GARIN1A: variants seen among roughly 807,000 people sequenced by gnomAD.
The protein encoded by GARIN1A is golgi associated RAB2 interactor 1A, also known as Golgi-associated RAB2 interactor protein 1A.
the GARIN1A span, among the ~76,000 whole-genome samples, chr7:128,676,081 G>A: frequency 1.2e-4 from 18 of 150,586 alleles, no homozygotes; most frequent in East Asian, 2.9e-3. Context: ...GTGCAGTGGC[G>A]GGATCTCGGC....
At chr7:128,683,427 C>A in the GARIN1A span, 1 of 266,510 alleles carries the variant, frequency 3.8e-6, no homozygotes, top group South Asian at 1.6e-4. Flanking sequence ...TCTGTGTGTA[C>A]AGAGAACTAC....
the GARIN1A span, among the ~76,000 whole-genome samples, chr7:128,702,675 T>C: frequency 6.6e-6 from 1 of 152,230 alleles, no homozygotes; most frequent in Non-Finnish European, 1.5e-5. Flanking sequence ...GTGATCAATA[T>C]GGTAGATGTT....
the GARIN1A span, chr7:128,672,451 G>A: frequency 1.2e-6 from 2 of 1,608,890 alleles, no homozygotes; most frequent in East Asian, 2.2e-5. Flanking sequence ...GCCCTGGAGT[G>A]GAACTTGGGG....
the GARIN1A span, chr7:128,684,659 C>T: frequency 6.6e-6 from 1 of 150,804 alleles, no homozygotes. Flanking sequence ...GTCTTCATTG[C>T]CCTGTGTTAG....
the GARIN1A span, among the ~76,000 whole-genome samples, chr7:128,692,507 C>T: frequency 6.6e-6 from 1 of 152,098 alleles, no homozygotes; most frequent in Non-Finnish European, 1.5e-5. Flanking sequence ...AGAAACAAAA[C>T]ATTGTTATCC....
the GARIN1A span, among the ~76,000 whole-genome samples, chr7:128,703,528 T>G: frequency 2.3e-4 from 35 of 152,314 alleles, no homozygotes; most frequent in African/African-American, 8.2e-4. Flanking sequence ...CAGTGGCTCA[T>G]GCCTATAATC....
At chr7:128,677,935 T>C in the GARIN1A span, 3 of 857,386 alleles carry the variant, frequency 3.5e-6, no homozygotes, top group Non-Finnish European at 5.2e-6. Flanking sequence ...AAATATCATT[T>C]TGATAATTTC....
the GARIN1A span, among the ~76,000 whole-genome samples, chr7:128,688,555 G>C: frequency 5.3e-5 from 8 of 152,050 alleles, no homozygotes; most frequent in African/African-American, 1.9e-4. Context: ...GCTTTGACTG[G>C]GTTCATTCCC....
chr7:128,675,995 G>T, the GARIN1A span: 2 of 567,458 alleles, frequency 3.5e-6, no homozygotes, highest in Non-Finnish European at 6.1e-6. Context: ...TCATTCATTT[G>T]TTTAGCAACG....
chr7:128,686,897 G>A, the GARIN1A span: 1 of 151,334 alleles, frequency 6.6e-6, no homozygotes, highest in African/African-American at 2.4e-5. Context: ...AAATATATCT[G>A]ACTGAGTTTC....
chr7:128,699,859 A>G, the GARIN1A span, among the ~76,000 whole-genome samples: 2 of 152,284 alleles, frequency 1.3e-5, no homozygotes, highest in South Asian at 4.1e-4. Context: ...CAGTTCTGTC[A>G]ATTTCGCTTT....
chr7:128,708,966 C>T, the GARIN1A span: 2 of 152,096 alleles, frequency 1.3e-5, no homozygotes, highest in Non-Finnish European at 2.9e-5. Flanking sequence ...TGGGTGTGGC[C>T]CTGTGTTTGA....
chr7:128,681,887 C>A, the GARIN1A span, among the ~76,000 whole-genome samples: 5 of 149,470 alleles, frequency 3.3e-5, no homozygotes, highest in African/African-American at 4.9e-5. Flanking sequence ...CTGCACCCCC[C>A]CCCACAACCC....
chr7:128,676,831 C>G, the GARIN1A span, among the ~76,000 whole-genome samples: 1 of 152,082 alleles, frequency 6.6e-6, no homozygotes, highest in Non-Finnish European at 1.5e-5. Context: ...GGGCAAATCA[C>G]TTAGCCTCTC....
the GARIN1A span, chr7:128,686,967 G>A: frequency 6.6e-6 from 1 of 152,058 alleles, no homozygotes; most frequent in Non-Finnish European, 1.5e-5. Flanking sequence ...TCTCTCTCCA[G>A]CCTCTCCACT....
At chr7:128,690,025 G>C in the GARIN1A span, among the ~76,000 whole-genome samples, 13 of 152,238 alleles carry the variant, frequency 8.5e-5, no homozygotes, top group Non-Finnish European at 1.6e-4. Context: ...TGTGCAGAAA[G>C]AAGTAGACAT....
the GARIN1A span, among the ~76,000 whole-genome samples, chr7:128,697,948 A>G: frequency 6.6e-6 from 1 of 152,112 alleles, no homozygotes; most frequent in African/African-American, 2.4e-5. Flanking sequence ...CTATTTTTGT[A>G]ACTACTGCAT....
At chr7:128,706,810 C>T in the GARIN1A span, among the ~76,000 whole-genome samples, 1 of 152,206 alleles carries the variant, frequency 6.6e-6, no homozygotes. Flanking sequence ...GGTGGGCTCA[C>T]CTCTGTCTCC....
chr7:128,682,239 G>A, the GARIN1A span, among the ~76,000 whole-genome samples: 2 of 152,142 alleles, frequency 1.3e-5, no homozygotes, highest in Admixed American at 1.3e-4. Context: ...GACAACCCAA[G>A]CCCTTGGTTA....
Sources: allele counts gnomAD v4.1 joint callset (sites outside exome capture counted in the v4.1 genomes callset), GRCh38; gene constraint gnomAD v4.1.1; transcripts MANE v1.5; gene names NCBI Gene and HGNC (gene_info 2026-07-23, HGNC 2026-07-21).